The following CMIP variants were observed in gnomAD, a reference collection of about 807,000 sequenced individuals.
CMIP encodes the protein c-Maf inducing protein, also known as C-Maf-inducing protein.
CMIP carries 13 observed loss-of-function variants against 97.3 expected under a neutral mutation model. That is an observed-to-expected ratio of 0.13 (90% confidence interval 0.09 to 0.21). The LOEUF (loss-of-function observed/expected upper bound fraction) is 0.21, where lower values mean the gene tolerates loss of function less well. CMIP is among the 10% of genes least tolerant of loss of function. The pLI, the probability that CMIP is intolerant of heterozygous loss-of-function variation, is 1.00. For synonymous variants in CMIP, 538 were observed against 436.3 expected (o/e 1.23, Z -2.91); for missense variants, 847 against 1,024.9 (o/e 0.83, Z 2.37).
chr16:81,592,515 C>T lies in CMIP; in HGVS notation c.301-15052C>T, dbSNP rs527350729. On this transcript the variant is annotated intron_variant, in intron 1 of 20. Transcript: ENST00000537098. The stretch of plus-strand genomic sequence containing the variant: ...CCCTTTGTACCGGACCCTCCTCCTT[C>T]CTCCTGCGGTGCCTTTGGCACTGTG... 2.0e-5 allele frequency among the ~76,000 whole-genome samples: 3 copies of T among 152,356 alleles called. No individual in the cohort carries two copies. The South Asian group carries it at 6.2e-4, about 32-fold the overall frequency.
At chr16:81,516,634 G>A (rs892361100) in intron 1 of CMIP, among the ~76,000 whole-genome samples, 3 of 152,200 alleles carry the variant, frequency 2.0e-5, no homozygotes, top group Non-Finnish European at 4.4e-5. Flanking sequence ...GCACTTGTGC[G>A]TCACTGCTGG....
intron 15 of CMIP, 39 bp downstream of exon 15, chr16:81,699,840 T>A: frequency 1.5e-6 from 2 of 1,373,882 alleles, no homozygotes; most frequent in Non-Finnish European, 2.0e-6. Flanking sequence ...GGTGGCTGGC[T>A]CCCCGTCCCT....
chr16:81,690,306 T>A (rs1159646726), intron 10 of CMIP, among the ~76,000 whole-genome samples: 1 of 152,242 alleles, frequency 6.6e-6, no homozygotes, highest in Non-Finnish European at 1.5e-5. Context: ...GTTCTTCCAT[T>A]TCTTTGTGTC....
chr16:81,654,271 T>G (rs2092460200), intron 4 of CMIP, among the ~76,000 whole-genome samples: 1 of 151,568 alleles, frequency 6.6e-6, no homozygotes, highest in Non-Finnish European at 1.5e-5. Context: ...GGGGTCTCAC[T>G]GTGTTGCCCA....
At chr16:81,639,126 T>C (rs1447539119) in intron 3 of CMIP, among the ~76,000 whole-genome samples, 1 of 152,214 alleles carries the variant, frequency 6.6e-6, no homozygotes, top group African/African-American at 2.4e-5. Flanking sequence ...TCCTGGTTCC[T>C]ACAGGGCCGG....
intron 1 of CMIP, among the ~76,000 whole-genome samples, chr16:81,509,447 G>C (rs1335142143): frequency 6.6e-6 from 1 of 152,236 alleles, no homozygotes; most frequent in Non-Finnish European, 1.5e-5. Flanking sequence ...TGACATTGGG[G>C]CTGCCTCCTT....
At chr16:81,488,170 G>C (rs2089349058) in intron 1 of CMIP, among the ~76,000 whole-genome samples, 1 of 152,056 alleles carries the variant, frequency 6.6e-6, no homozygotes, top group Non-Finnish European at 1.5e-5. Context: ...TGTTATTATT[G>C]TTATGGTTCT....
At chr16:81,607,362 A>C (rs1597140592) in intron 1 of CMIP, among the ~76,000 whole-genome samples, 5 of 152,272 alleles carry the variant, frequency 3.3e-5, no homozygotes, top group Admixed American at 6.5e-5. Context: ...GTGTGGGTGG[A>C]GTTTTACAGT....
intron 1 of CMIP, among the ~76,000 whole-genome samples, chr16:81,579,487 G>A (rs1248533966): frequency 6.6e-6 from 1 of 152,196 alleles, no homozygotes; most frequent in Non-Finnish European, 1.5e-5. Flanking sequence ...CCTCCTTCTT[G>A]AAGGAAACCA....
chr16:81,570,246 G>A (rs1487807210), intron 1 of CMIP, among the ~76,000 whole-genome samples: 1 of 152,142 alleles, frequency 6.6e-6, no homozygotes, highest in African/African-American at 2.4e-5. Flanking sequence ...TGGAGAAGGC[G>A]CATCCTCTGG....
intron 1 of CMIP, among the ~76,000 whole-genome samples, chr16:81,493,536 C>T (rs923712015): frequency 1.3e-5 from 2 of 152,198 alleles, no homozygotes; most frequent in Non-Finnish European, 2.9e-5. Flanking sequence ...TTTATGGTGA[C>T]GATGACAAGG....
intron 1 of CMIP, among the ~76,000 whole-genome samples, chr16:81,552,151 C>G (rs1169916921): frequency 6.6e-6 from 1 of 152,112 alleles, no homozygotes; most frequent in African/African-American, 2.4e-5. Flanking sequence ...GGCCTGGCTG[C>G]AAGGGGGCAG....
intron 1 of CMIP, among the ~76,000 whole-genome samples, chr16:81,450,556 CCTGAAAGA>C (rs1567521874): frequency 6.6e-6 from 1 of 152,084 alleles, no homozygotes; most frequent in African/African-American, 2.4e-5. Flanking sequence ...TGCTAATTGC[CCTGAAAGA>C]GCTTCATGAC....
chr16:81,579,504 C>T (rs942031793), intron 1 of CMIP, among the ~76,000 whole-genome samples: 6 of 152,182 alleles, frequency 3.9e-5, no homozygotes, highest in Admixed American at 6.5e-5. Flanking sequence ...ACCAGCAGAA[C>T]CCTGCCAGGC....
chr16:81,520,328 GATCC>G (rs2089995597), intron 1 of CMIP: 1 of 152,158 alleles, frequency 6.6e-6, no homozygotes, highest in African/African-American at 2.4e-5. Context: ...CCACAAACAG[GATCC>G]CACTTCTTGA....
At chr16:81,548,689 GAAAA>G (rs954595216) in intron 1 of CMIP, among the ~76,000 whole-genome samples, 14 of 143,136 alleles carry the variant, frequency 9.8e-5, no homozygotes, top group African/African-American at 3.3e-4. Flanking sequence ...AAAAAAAAAA[GAAAA>G]AAAAAAGCCA....
rs150496639 is a variant in CMIP at position 81,472,434 on chromosome 16, G to A, written c.300+26893G>A. Among the ~76,000 whole-genome samples, 568 of 152,268 alleles carry A rather than the reference G, an allele frequency of 3.7e-3. 6 individuals carry two copies. The highest frequency in any genetic ancestry group is 0.013 in the African/African-American group (527 of 41,554). ...CCCGTTCTGGTATCCTGTGTGTGGC[G>A]TGCCCCATGCGTGGAGGAGTGGCCC... On this transcript the variant is annotated intron_variant, in intron 1 of 20. Transcript: ENST00000537098.
At chr16:81,682,883 C>T (rs548414319) in intron 10 of CMIP, among the ~76,000 whole-genome samples, 1 of 151,972 alleles carries the variant, frequency 6.6e-6, no homozygotes, top group Non-Finnish European at 1.5e-5. Context: ...AAATGCGGGT[C>T]GAGGTTGATG....
intron 1 of CMIP, among the ~76,000 whole-genome samples, chr16:81,552,874 A>C (rs2090686900): frequency 6.6e-6 from 1 of 152,074 alleles, no homozygotes; most frequent in African/African-American, 2.4e-5. Flanking sequence ...GACAGAGTGC[A>C]CAAGAGGAAT....
Sources: gnomAD v4.1 joint callset for allele counts (sites outside exome capture counted in the v4.1 genomes callset) on GRCh38, gnomAD v4.1.1 for gene constraint, MANE v1.5 for transcripts, NCBI Gene and HGNC (gene_info 2026-07-23, HGNC 2026-07-21) for gene names.